Variants in TMTC2 observed in about 807,000 individuals in gnomAD.
TMTC2 encodes transmembrane O-mannosyltransferase targeting cadherins 2, also known as protein O-mannosyl-transferase TMTC2.
In TMTC2, 43 loss-of-function variants were observed where a neutral mutation model predicts 82.4. That is an observed-to-expected ratio of 0.52 (90% CI 0.41 to 0.67). TMTC2 has a LOEUF of 0.67. Among genes scored for constraint, TMTC2 ranks in the 30% least tolerant of loss-of-function variants. TMTC2 has a pLI of 0.00. For missense variants in TMTC2, 919 were observed against 1,012.4 expected, an observed-to-expected ratio of 0.91 and a Z score of 1.25; for synonymous variants, 408 against 381.9, an observed-to-expected ratio of 1.07 and a Z score of -0.80.
In TMTC2 at chr12:82,966,958, C is replaced by T. The variant is rs1386048865; in HGVS notation, c.1909C>T (p.Pro637Ser). The T allele has an allele frequency of 6.2e-7, 1 of 1,613,076 alleles. No individual in the cohort carries two copies. The highest frequency in any genetic ancestry group is 1.1e-5 in the South Asian group (1 of 91,010). ...ATACAAGGAAGCAATTCAGAAAATG[C>T]CAAGGCAGTTTGCCCCACAGAGCTT... ...SVYKEAIQKM[P>S]RQFAPQSLYN... Residue 637 changes from proline (P) to serine (S), a missense_variant, in exon 7 of 12, where the codon CCA becomes TCA. By Grantham distance (74) the Pro-to-Ser change is moderately conservative. Coordinates refer to ENST00000321196, the MANE Select transcript of TMTC2 (RefSeq NM_152588.3).
chr12:82,727,498 A>G (rs933465547), intron 1 of TMTC2, among the ~76,000 whole-genome samples: 1 of 152,064 alleles, frequency 6.6e-6, no homozygotes, highest in African/African-American at 2.4e-5. Context: ...TGGAGGGTGG[A>G]TCACCTGAGG....
intron 8 of TMTC2, among the ~76,000 whole-genome samples, chr12:83,026,891 A>G (rs1277115452): frequency 6.6e-6 from 1 of 152,142 alleles, no homozygotes; most frequent in Non-Finnish European, 1.5e-5. Flanking sequence ...AGCTAAGAAA[A>G]CAAAATCAAT....
chr12:82,857,146 C>T lies in TMTC2; in HGVS notation c.220C>T (p.Arg74Cys), dbSNP rs1384575919. ...CCGGCCACTCTGCACTCTTTCTTTT[C>T]GCCTGAACCATGCCATTGGAGGGTT... is the stretch of plus-strand genomic sequence containing the variant. ...SYRPLCTLSF[R>C]LNHAIGGLNP... The change falls in exon 2 of 12, where the codon CGC (arginine) becomes TGC (cysteine). Residue 74 changes from arginine (R) to cysteine (C), a missense_variant. By Grantham distance (180) the Arg-to-Cys change is radical (BLOSUM62 -3). Transcript: ENST00000321196. 13 of 1,614,162 alleles carry T rather than the reference C, an allele frequency of 8.1e-6. No homozygotes were observed. Among genetic ancestry groups the T allele is most frequent in the Admixed American group, 1.7e-5 (1 of 60,022 alleles).
chr12:83,017,276 G>A (rs1422085926), intron 8 of TMTC2, among the ~76,000 whole-genome samples: 1 of 152,160 alleles, frequency 6.6e-6, no homozygotes. Context: ...GTGAATTATT[G>A]TGAGAGAGAA....
At chr12:83,039,021 C>T (rs1592710348) in intron 9 of TMTC2, among the ~76,000 whole-genome samples, 1 of 151,102 alleles carries the variant, frequency 6.6e-6, no homozygotes, top group African/African-American at 2.4e-5. Context: ...AACCTCTGCC[C>T]CCCGGGTTCA....
intron 7 of TMTC2, among the ~76,000 whole-genome samples, chr12:82,980,985 A>T (rs1199169349): frequency 2.0e-5 from 3 of 151,832 alleles, no homozygotes; most frequent in Non-Finnish European, 4.4e-5. Flanking sequence ...AACACTGATA[A>T]ATTATTTCTT....
intron 2 of TMTC2, among the ~76,000 whole-genome samples, chr12:82,869,903 A>G (rs1352730650): frequency 6.6e-6 from 1 of 152,040 alleles, no homozygotes; most frequent in Non-Finnish European, 1.5e-5. Context: ...GCCCACAAAA[A>G]TTAGGCCCAC....
chr12:82,723,917 CA>C (rs1281683113), intron 1 of TMTC2, among the ~76,000 whole-genome samples: 2 of 152,188 alleles, frequency 1.3e-5, no homozygotes, highest in Non-Finnish European at 2.9e-5. Flanking sequence ...CCCACTTTGT[CA>C]AAAGAACCAC....
intron 8 of TMTC2, among the ~76,000 whole-genome samples, chr12:83,006,011 A>G (rs1433443285): frequency 6.6e-6 from 1 of 152,146 alleles, no homozygotes; most frequent in Non-Finnish European, 1.5e-5. Context: ...CACATGCTCA[A>G]GTTTGGTCTC....
chr12:82,831,695 A>G (rs918451297), intron 1 of TMTC2, among the ~76,000 whole-genome samples: 2 of 152,068 alleles, frequency 1.3e-5, no homozygotes, highest in African/African-American at 4.8e-5. Context: ...GTGGTGTTTT[A>G]AAAAAGAGCT....
rs199580561 is a variant in TMTC2 at position 83,121,235 on chromosome 12, G to A, written c.2332-10975G>A. 3.3e-5 allele frequency among the ~76,000 whole-genome samples: 5 copies of A among 152,128 alleles called. No individual in the cohort carries two copies. The East Asian group carries it at 9.6e-4, about 29-fold the overall frequency. ...GGGGTGTGTTAAAGAACCTTGTTTT[G>A]TCATATTACCAGAATTGGTTTTCTG... On this transcript the variant is annotated intron_variant, in intron 11 of 11. Coordinates refer to ENST00000321196, the MANE Select transcript of TMTC2 (RefSeq NM_152588.3).
chr12:82,743,230 C>T (rs866168339), intron 1 of TMTC2, among the ~76,000 whole-genome samples: 1 of 152,086 alleles, frequency 6.6e-6, no homozygotes, highest in South Asian at 2.1e-4. Flanking sequence ...ATCACGAGGT[C>T]AGGAGTTCAA....
chr12:82,868,473 G>T (rs1871981494), intron 2 of TMTC2, among the ~76,000 whole-genome samples: 2 of 152,066 alleles, frequency 1.3e-5, no homozygotes, highest in Admixed American at 1.3e-4. Context: ...TCCTCCATTG[G>T]TAATATCTTG....
intron 7 of TMTC2, among the ~76,000 whole-genome samples, chr12:82,969,689 C>T (rs1456891872): frequency 6.6e-6 from 1 of 152,012 alleles, no homozygotes; most frequent in African/African-American, 2.4e-5. Context: ...TGATTAATTC[C>T]CCAACTTAAA....
At chr12:83,017,813 G>GA (rs5799609) in intron 8 of TMTC2, among the ~76,000 whole-genome samples, 45 of 142,512 alleles carry the variant, frequency 3.2e-4, no homozygotes, top group African/African-American at 5.7e-4. Context: ...ATTTATAACT[G>GA]AAAAAAAAAA....
chr12:83,002,002 GT>G (rs1879949803), intron 8 of TMTC2, among the ~76,000 whole-genome samples: 1 of 152,192 alleles, frequency 6.6e-6, no homozygotes, highest in Admixed American at 6.5e-5. Flanking sequence ...CATAGAATGA[GT>G]TAGGAAGGAA....
intron 1 of TMTC2, among the ~76,000 whole-genome samples, chr12:82,823,187 A>G (rs2137065796): frequency 6.6e-6 from 1 of 152,316 alleles, no homozygotes; most frequent in South Asian, 2.1e-4. Context: ...ACATTTCATA[A>G]GTCAGTGGGA....
chr12:82,909,047 A>G (rs1187683520), intron 3 of TMTC2, among the ~76,000 whole-genome samples: 2 of 152,264 alleles, frequency 1.3e-5, no homozygotes, highest in Non-Finnish European at 2.9e-5. Flanking sequence ...GGACCTACGC[A>G]TAAGAATTCC....
intron 1 of TMTC2, among the ~76,000 whole-genome samples, chr12:82,794,727 G>A (rs1878635696): frequency 6.6e-6 from 1 of 152,014 alleles, no homozygotes; most frequent in Admixed American, 6.6e-5. Flanking sequence ...GTGTGAACCC[G>A]GAGAGACATG....
Sources: allele counts gnomAD v4.1 joint callset (sites outside exome capture counted in the v4.1 genomes callset), GRCh38; gene constraint gnomAD v4.1.1; transcripts MANE v1.5; gene names NCBI Gene and HGNC (gene_info 2026-07-23, HGNC 2026-07-21).